Variants in FAT1 observed in about 807,000 individuals in gnomAD.
The protein encoded by FAT1 is protocadherin Fat 1.
A neutral mutation model predicts 329.8 loss-of-function variants in FAT1; 171 were observed. That is an observed-to-expected ratio of 0.52 (90% CI 0.46 to 0.59). The LOEUF (loss-of-function observed/expected upper bound fraction) is 0.59, where lower values mean the gene tolerates loss of function less well. Ranked by LOEUF, FAT1 falls within the 20% of genes least tolerant of loss-of-function variation. The pLI is 0.00. For synonymous variants in FAT1, 2,233 were observed against 2,228.6 expected (o/e 1.00, Z -0.06); for missense variants, 5,672 against 5,774.4 (o/e 0.98, Z 0.57).
Position 186,707,807 on chromosome 4 carries a change from C to G in FAT1, c.2021G>C (p.Cys674Ser), listed in dbSNP as rs773076645. 2.5e-6 allele frequency: 4 copies of G among 1,613,708 alleles called. No homozygotes were observed. The highest frequency in any genetic ancestry group is 3.4e-6 in the Non-Finnish European group (4 of 1,179,884). Residue 674 changes from cysteine to serine, a missense_variant, in exon 2 of 27, where the codon TGT becomes TCT. This residue lies in a region of FAT1 where 3,966 missense variants were observed against 3,915.2 expected (regional missense o/e 1.01). Transcript: ENST00000441802. ...CATTTTGGCAACACCAGTCTCTTCA[C>G]ACTGCAAGTTTACCAGCTTGTGACT... ...AASHKLVNLQ[C>S]EETGVAKMLA...
intron 2 of FAT1, among the ~76,000 whole-genome samples, chr4:186,685,656 T>C (rs1171568575): frequency 2.0e-5 from 3 of 152,270 alleles, no homozygotes; most frequent in Non-Finnish European, 4.4e-5. Context: ...ACATATGGTA[T>C]TCTACAATTA....
chr4:186,653,393 T>C (rs328430), intron 3 of FAT1, among the ~76,000 whole-genome samples: 45,635 of 152,144 alleles, frequency 0.3, 8,016 homozygotes, highest in East Asian at 0.47. Context: ...TAAAGAATAA[T>C]TTTGTTATTA....
chr4:186,656,422 C>G (rs1030479912), intron 3 of FAT1, among the ~76,000 whole-genome samples: 18 of 152,214 alleles, frequency 1.2e-4, no homozygotes, highest in Non-Finnish European at 5.9e-5. Context: ...AACGGAGTGT[C>G]TGGAGAACTG....
chr4:186,711,202 A>T (rs1467481285), intron 1 of FAT1, among the ~76,000 whole-genome samples: 2 of 152,192 alleles, frequency 1.3e-5, no homozygotes, highest in Non-Finnish European at 2.9e-5. Flanking sequence ...ACTCTGCCCC[A>T]TAAGTCATTG....
At chr4:186,662,746 G>C (rs1742238750) in intron 3 of FAT1, among the ~76,000 whole-genome samples, 1 of 152,186 alleles carries the variant, frequency 6.6e-6, no homozygotes, top group South Asian at 2.1e-4. Context: ...AACAATGTTT[G>C]CTTTTTAACC....
At position 186,620,561 on chromosome 4, in the gene FAT1, T is replaced by G; in HGVS notation, c.6025A>C (p.Asn2009His). 1 of 1,614,032 alleles carries G rather than the reference T, an allele frequency of 6.2e-7. No individual in the cohort carries two copies. The change falls in exon 10 of 27, where the codon AAT becomes CAT. Residue 2009 changes from asparagine (N) to histidine (H), a missense_variant. Transcript: ENST00000441802. Reference protein sequence around the residue: ...AVITAIGNPINEPLFYHILNP... With the variant: ...AVITAIGNPIHEPLFYHILNP... Reference sequence around the variant, plus strand: ...AGGATGTGATAAAACAAAGGCTCATTGATTGGATTCCCAATAGCAGTAATG... The same window carrying G: ...AGGATGTGATAAAACAAAGGCTCATGGATTGGATTCCCAATAGCAGTAATG...
At chr4:186,718,396 C>T (rs1013616184) in intron 1 of FAT1, among the ~76,000 whole-genome samples, 5 of 152,138 alleles carry the variant, frequency 3.3e-5, no homozygotes, top group African/African-American at 9.7e-5. Context: ...TGGCCAGACA[C>T]GGTGGCTCAT....
At chr4:186,625,730 A>G (rs1210602287) in intron 9 of FAT1, among the ~76,000 whole-genome samples, 2 of 152,294 alleles carry the variant, frequency 1.3e-5, no homozygotes, top group Non-Finnish European at 2.9e-5. Flanking sequence ...CCAACATTTC[A>G]TCACTTTCAG....
chr4:186,715,693 C>T (rs2126715992), intron 1 of FAT1, among the ~76,000 whole-genome samples: 1 of 152,252 alleles, frequency 6.6e-6, no homozygotes, highest in Admixed American at 6.5e-5. Flanking sequence ...GAGCCAAGGG[C>T]TATACTTTGA....
chr4:186,694,186 A>G (rs1012011618), intron 2 of FAT1, among the ~76,000 whole-genome samples: 3 of 152,156 alleles, frequency 2.0e-5, no homozygotes, highest in African/African-American at 7.2e-5. Context: ...ACGAAACTCA[A>G]CATCTCCCAA....
rs1458378222 is a variant in FAT1 at position 186,706,950 on chromosome 4, C to T, written c.2878G>A (p.Gly960Ser). The change falls in exon 2 of 27, where the codon GGT becomes AGT. Residue 960 changes from glycine (G) to serine (S), a missense_variant. Gly to Ser is a moderately conservative substitution (Grantham distance 56). Transcript: ENST00000441802. ...TCCAGAAGGCTGTATCTCACCTGAC[C>T]AGACTGACCTAAATCAGGATCGTGG... ...EAHDPDLGQS[G>S]QVRYSLLDHG... 1 of 1,613,898 alleles carries T rather than the reference C, an allele frequency of 6.2e-7. No homozygotes were observed. Among genetic ancestry groups the T allele is most frequent in the Non-Finnish European group, 8.5e-7 (1 of 1,179,894 alleles).
chr4:186,725,425 G>T (rs370714667), upstream of FAT1, among the ~76,000 whole-genome samples: 3 of 151,996 alleles, frequency 2.0e-5, no homozygotes, highest in East Asian at 5.8e-4. The surrounding 1 kb of genome is among the most constrained non-coding windows in gnomAD (Gnocchi z 5.4). Context: ...TGGCACAAGA[G>T]AATTCCTGGA....
At chr4:186,656,996 A>T (rs1741933614) in intron 3 of FAT1, among the ~76,000 whole-genome samples, 1 of 152,168 alleles carries the variant, frequency 6.6e-6, no homozygotes, top group Admixed American at 6.5e-5. Context: ...AGACAAAATG[A>T]ATGCACTGGC....
At chr4:186,641,325 G>A (rs1287310614) in intron 3 of FAT1, among the ~76,000 whole-genome samples, 2 of 152,184 alleles carry the variant, frequency 1.3e-5, no homozygotes, top group Non-Finnish European at 1.5e-5. Flanking sequence ...GTGCTTACGG[G>A]TGTAAAAATG....
intron 11 of FAT1, among the ~76,000 whole-genome samples, chr4:186,615,645 C>T (rs1250115376): frequency 6.6e-6 from 1 of 152,172 alleles, no homozygotes; most frequent in Non-Finnish European, 1.5e-5. Flanking sequence ...CCAAACATCC[C>T]AGCTCCACTC....
chr4:186,654,128 AT>A (rs1741793717), intron 3 of FAT1, among the ~76,000 whole-genome samples: 1 of 152,216 alleles, frequency 6.6e-6, no homozygotes, highest in African/African-American at 2.4e-5. Flanking sequence ...CAGCCAGGAA[AT>A]TCACATTGCC....
chr4:186,634,569 C>T (rs1424934543), intron 6 of FAT1, among the ~76,000 whole-genome samples: 1 of 151,416 alleles, frequency 6.6e-6, no homozygotes, highest in Non-Finnish European at 1.5e-5. Flanking sequence ...CATTACGTGG[C>T]AACACGCTGG....
In FAT1 at chr4:186,620,215, T is replaced by C. The variant is rs371809021; in HGVS notation, c.6371A>G (p.His2124Arg). Residue 2124 changes from histidine to arginine, a missense_variant, in exon 10 of 27, where the codon CAT (histidine) becomes CGT (arginine). His to Arg is a conservative substitution (Grantham distance 29, BLOSUM62 0). Transcript: ENST00000441802. ...CAAGGGTCCAATTTGAAAGTGTTCA[T>C]GATGTTCCTTGAGGTAGTAATGCAC... is the stretch of plus-strand genomic sequence containing the variant. ...GEVHYYLKEH[H>R]EHFQIGPLGE... is the part of the protein sequence containing the mutation. The C allele has an allele frequency of 9.9e-6, 16 of 1,614,048 alleles. No homozygotes were observed. Among genetic ancestry groups the C allele is most frequent in the African/African-American group, 9.3e-5 (7 of 75,062 alleles).
chr4:186,636,204 T>C lies in FAT1; in HGVS notation c.4004A>G (p.Lys1335Arg), dbSNP rs2126561458. 6.2e-7 allele frequency: 1 copy of C among 1,614,024 alleles called. No homozygotes were observed. Among genetic ancestry groups the C allele is most frequent in the African/African-American group, 1.3e-5 (1 of 75,070 alleles). Residue 1335 changes from lysine to arginine, a missense_variant, in exon 6 of 27, where the codon AAG (lysine) becomes AGG (arginine). Physicochemically the swap from Lys to Arg is conservative, Grantham distance 26. Around this residue, in one of 2 missense-constraint regions of FAT1, gnomAD observed 3,966 missense variants for 3,915.2 expected, o/e 1.01. Transcript: ENST00000441802. ...AATATGGAGTCTGGTGGTTGATGAC[T>C]TTTGAGGGCGACCATTGTCAACTGC... ...IKAVDNGRPQ[K>R]SSTTRLHIEW...
Sources: allele counts gnomAD v4.1 joint callset (sites outside exome capture counted in the v4.1 genomes callset), GRCh38; gene constraint gnomAD v4.1.1; regional missense constraint gnomAD v4.1.1; non-coding constraint Gnocchi (gnomAD v3.1); transcripts MANE v1.5; gene names NCBI Gene and HGNC (gene_info 2026-07-23, HGNC 2026-07-21).